The following RAF1 variants were observed in gnomAD, a reference collection of about 807,000 sequenced individuals.
The protein encoded by RAF1 is Raf-1 proto-oncogene, serine/threonine kinase, also known as RAF proto-oncogene serine/threonine-protein kinase.
In RAF1, 27 loss-of-function variants were observed where a neutral mutation model predicts 81.1. The ratio of observed to expected loss-of-function variants is 0.33; its 90% CI spans 0.25 to 0.46. The LOEUF is 0.46. Ranked by LOEUF, RAF1 falls within the 20% of genes least tolerant of loss-of-function variation. The probability of loss-of-function intolerance (pLI) is 1.00; values close to 1 mark genes in which losing one functional copy is unlikely to be tolerated. For synonymous variants in RAF1, 298 were observed against 294.0 expected (o/e 1.01, Z -0.14); for missense variants, 598 against 826.0 (o/e 0.72, Z 3.38).
At chr3:12,640,049 G>C (rs1004614055) in intron 1 of RAF1, among the ~76,000 whole-genome samples, 1 of 151,986 alleles carries the variant, frequency 6.6e-6, no homozygotes, top group South Asian at 2.1e-4. Context: ...GAACAGAGCC[G>C]CCAGAAATAA....
intron 5 of RAF1, 133 bp downstream of exon 5, chr3:12,608,633 A>T (rs1409105361): frequency 1.9e-6 from 2 of 1,045,620 alleles, no homozygotes; most frequent in Non-Finnish European, 2.9e-6. Context: ...CTGTTTCTAA[A>T]GTAGTTTCTG....
chr3:12,618,402 T>A lies in RAF1; in HGVS notation c.207+113A>T. The A allele has an allele frequency of 1.2e-5, 13 of 1,108,226 alleles. No homozygotes were observed. The South Asian group carries it at 1.5e-4, about 13-fold the overall frequency. 68.6% of individuals were successfully genotyped at this position (1,108,226 alleles called of 1,614,324 possible). On this transcript the variant is annotated intron_variant, in intron 2 of 17. Transcript: ENST00000442415. ...AAATCTGCAGTTAGAAAAAAAAAAA[T>A]AAAGACCCTAAATGACAATGAATAT... is the stretch of plus-strand genomic sequence containing the variant.
chr3:12,613,643 C>T (rs1229180506), intron 2 of RAF1, among the ~76,000 whole-genome samples: 1 of 152,146 alleles, frequency 6.6e-6, no homozygotes, highest in African/African-American at 2.4e-5. Context: ...TATCTGGGCC[C>T]TTCTAGTTAC....
chr3:12,646,574 CA>C (rs2060355518), intron 1 of RAF1, among the ~76,000 whole-genome samples: 1 of 148,538 alleles, frequency 6.7e-6, no homozygotes, highest in African/African-American at 2.5e-5. Context: ...TTTTTTGAGA[CA>C]GAGTCTCACA....
intron 1 of RAF1, among the ~76,000 whole-genome samples, chr3:12,642,466 C>T (rs540594679): frequency 6.6e-6 from 1 of 151,026 alleles, no homozygotes; most frequent in Non-Finnish European, 1.5e-5. Context: ...GAGCTGAGAT[C>T]GCGCCACAGC....
chr3:12,626,838 A>G (rs1272034170), intron 1 of RAF1, among the ~76,000 whole-genome samples: 1 of 151,964 alleles, frequency 6.6e-6, no homozygotes, highest in Non-Finnish European at 1.5e-5. Flanking sequence ...AGCCTGACCA[A>G]CATGGTGAAA....
At position 12,585,257 on chromosome 3, in the gene RAF1, C is replaced by T. The variant is rs778934978; in HGVS notation, c.1597-4G>A. On this transcript the variant is annotated splice_region_variant and splice_polypyrimidine_tract_variant and intron_variant, in intron 15 of 17. Coordinates refer to ENST00000442415, the MANE Select transcript of RAF1 (RefSeq NM_001354689.3). The stretch of plus-strand genomic sequence containing the variant: ...GCATTCGGATCACCTCTGGGGCCTA[C>T]ATGTATCACCATATGACAAAAGTGC... 9 of 1,614,046 alleles carry T rather than the reference C, an allele frequency of 5.6e-6. No individual in the cohort carries two copies. Among genetic ancestry groups the T allele is most frequent in the South Asian group, 1.1e-5 (1 of 91,086 alleles).
At chr3:12,663,546 A>G (rs1446389853) in intron 1 of RAF1, among the ~76,000 whole-genome samples, 1 of 152,244 alleles carries the variant, frequency 6.6e-6, no homozygotes, top group Non-Finnish European at 1.5e-5. Context: ...AGGAATGCGC[A>G]TGGCATAAGG....
At chr3:12,654,832 T>G (rs2060636543) in intron 1 of RAF1, among the ~76,000 whole-genome samples, 1 of 147,400 alleles carries the variant, frequency 6.8e-6, no homozygotes, top group South Asian at 2.2e-4. Flanking sequence ...GATCCAAATA[T>G]AGCCAAATTC....
At position 12,605,557 on chromosome 3, in the gene RAF1, T is replaced by C. The variant is rs1009598354; in HGVS notation, c.680+644A>G. On this transcript the variant is annotated intron_variant, in intron 6 of 17. Transcript: ENST00000442415. Reference sequence around the variant, plus strand: ...CCTCCCAAAGTGCTGGGATTACAGGTGTGAGCTACCGTGCCTGGCCTAAAG... The same window carrying C: ...CCTCCCAAAGTGCTGGGATTACAGGCGTGAGCTACCGTGCCTGGCCTAAAG... Among the ~76,000 whole-genome samples the C allele has an allele frequency of 7.9e-5, 12 of 152,254 alleles. No individual in the cohort carries two copies. In the East Asian group the frequency reaches 2.3e-3, roughly 29 times the overall value.
chr3:12,608,811 T>C lies in RAF1; in HGVS notation c.536A>G (p.Lys179Arg), dbSNP rs1271531726. The change falls in exon 5 of 18, where the codon AAA becomes AGA. Residue 179 changes from lysine (K) to arginine (R), a missense_variant. Transcript: ENST00000442415. ...CCAGTCCACACACATAGTAGGTACTTTGGTGCTACAGTGCTCATGAAATTT... is the reference window on the plus strand; with the variant it reads ...CCAGTCCACACACATAGTAGGTACTCTGGTGCTACAGTGCTCATGAAATTT... 1.9e-6 allele frequency: 3 copies of C among 1,614,056 alleles called. No individual in the cohort carries two copies. Among genetic ancestry groups the C allele is most frequent in the African/African-American group, 2.7e-5 (2 of 74,930 alleles).
chr3:12,613,727 A>C (rs1175805026), intron 2 of RAF1, among the ~76,000 whole-genome samples: 2 of 152,234 alleles, frequency 1.3e-5, no homozygotes, highest in Non-Finnish European at 2.9e-5. Context: ...GAATGCATGT[A>C]AGCATAAGGA....
intron 1 of RAF1, among the ~76,000 whole-genome samples, chr3:12,662,369 A>G (rs2125596914): frequency 8.4e-6 from 1 of 118,576 alleles, no homozygotes; most frequent in South Asian, 2.8e-4. Flanking sequence ...AAAAAAAAAA[A>G]AAAGTTTGCA....
At chr3:12,651,071 A>AT (rs1447598205) in intron 1 of RAF1, among the ~76,000 whole-genome samples, 2 of 152,194 alleles carry the variant, frequency 1.3e-5, no homozygotes, top group African/African-American at 4.8e-5. Context: ...GTTTCCTTTT[A>AT]TTTTAAATAT....
intron 1 of RAF1, among the ~76,000 whole-genome samples, chr3:12,635,801 A>G (rs568708001): frequency 7.3e-5 from 11 of 150,698 alleles, no homozygotes; most frequent in Non-Finnish European, 1.0e-4. Flanking sequence ...GTGAAACCCC[A>G]TCTCTACTAA....
Position 12,600,185 on chromosome 3 carries a change from T to C in RAF1, c.1017A>G (p.Ala339=). 6.2e-7 allele frequency: 1 copy of C among 1,614,176 alleles called. No homozygotes were observed. The highest frequency in any genetic ancestry group is 8.5e-7 in the Non-Finnish European group (1 of 1,180,022). ...TTTTCTCCTGGGTCCCAGATACTGG[T>C]GCCCGCTCTCTTTGTGCTGGCACGG... is the stretch of plus-strand genomic sequence containing the variant. Residue 339 remains alanine, a synonymous_variant, in exon 10 of 18, where the codon GCA becomes GCG. Coordinates refer to ENST00000442415, the MANE Select transcript of RAF1 (RefSeq NM_001354689.3).
chr3:12,624,041 G>A (rs570904948), intron 1 of RAF1, among the ~76,000 whole-genome samples: 1 of 151,708 alleles, frequency 6.6e-6, no homozygotes, highest in African/African-American at 2.4e-5. Context: ...TTTTAGTAGA[G>A]ACAGGGTTTC....
chr3:12,658,453 T>G (rs923467052), intron 1 of RAF1, among the ~76,000 whole-genome samples: 11 of 151,868 alleles, frequency 7.2e-5, no homozygotes, highest in African/African-American at 2.7e-4. Flanking sequence ...AAATACAAAA[T>G]TAGCCAGGTG....
chr3:12,648,758 G>C (rs2060430211), intron 1 of RAF1, among the ~76,000 whole-genome samples: 1 of 151,548 alleles, frequency 6.6e-6, no homozygotes, highest in African/African-American at 2.4e-5. Flanking sequence ...AAAAAAAAAA[G>C]TAACCATCTG....
Sources: allele counts gnomAD v4.1 joint callset (sites outside exome capture counted in the v4.1 genomes callset), GRCh38; gene constraint gnomAD v4.1.1; transcripts MANE v1.5; gene names NCBI Gene and HGNC (gene_info 2026-07-23, HGNC 2026-07-21).